The following ZC4H2 variants were observed in gnomAD, a reference collection of about 807,000 sequenced individuals.
The protein encoded by ZC4H2 is zinc finger C4H2-type containing, also known as zinc finger C4H2 domain-containing protein.
For synonymous variants in ZC4H2, 84 were observed against 66.3 expected (o/e 1.27, Z -1.30); for missense variants, 137 against 173.9 (o/e 0.79, Z 1.19).
At chrX:64,922,069 C>A (rs1929221882) in intron 1 of ZC4H2, 81 bp from the exon 2 acceptor site, 2 of 1,147,242 alleles carry the variant, frequency 1.7e-6, no homozygotes, top group Non-Finnish European at 2.3e-6. Flanking sequence ...TTTTCTAAGC[C>A]ATCTTTACAA....
chrX:64,921,852 C>G lies in ZC4H2; in HGVS notation c.190G>C (p.Glu64Gln). 1 of 1,210,629 alleles carries G rather than the reference C, an allele frequency of 8.3e-7. No individual in the cohort carries two copies. The highest frequency in any genetic ancestry group is 3.0e-5 in the East Asian group (1 of 33,749). The change falls in exon 2 of 5, where the codon GAG becomes CAG. Residue 64 changes from glutamate to glutamine, a missense_variant. Physicochemically the swap from Glu to Gln is conservative, Grantham distance 29. Coordinates refer to ENST00000374839, the MANE Select transcript of ZC4H2 (RefSeq NM_018684.4). ...TCAGCGTGGATCAGTCGGAGTTCCT[C>G]CACATGGGCCATCTTCTCCTGTAGC... ...LLLQEKMAHV[E>Q]ELRLIHADIN...
chrX:64,967,686 C>CT (rs1931637951), intron 1 of ZC4H2, among the ~76,000 whole-genome samples: 1 of 111,849 alleles, frequency 8.9e-6, no homozygotes, highest in East Asian at 2.8e-4. Flanking sequence ...CCCATGAAAT[C>CT]TATCCTCTTT....
intron 1 of ZC4H2, among the ~76,000 whole-genome samples, chrX:64,927,558 T>A (rs1929484980): frequency 8.9e-6 from 1 of 112,127 alleles, no homozygotes; most frequent in South Asian, 3.7e-4. Context: ...TGGTTCCAAG[T>A]CTTTGCTATT....
chrX:64,929,742 C>G (rs1174929269), intron 1 of ZC4H2, among the ~76,000 whole-genome samples: 2 of 111,646 alleles, frequency 1.8e-5, no homozygotes, highest in Non-Finnish European at 3.8e-5. Context: ...TATTTTTATA[C>G]CATTACCATG....
In ZC4H2 at chrX:64,947,486, T is replaced by C. The variant is rs762802146; in HGVS notation, c.54-25498A>G. ...TAAACTAAATTTATCTTTAAAAATG[T>C]CTTTCTTCCATAATAAATTAAAATT... On this transcript the variant is annotated intron_variant, in intron 1 of 4. Coordinates refer to ENST00000374839, the MANE Select transcript of ZC4H2 (RefSeq NM_018684.4). Among the ~76,000 whole-genome samples, 101 of 112,761 alleles carry C rather than the reference T, an allele frequency of 9.0e-4. No homozygotes were observed. The South Asian group carries it at 0.012, about 13-fold the overall frequency.
At chrX:64,929,822 CT>C (rs1266332937) in intron 1 of ZC4H2, among the ~76,000 whole-genome samples, 1 of 111,357 alleles carries the variant, frequency 9.0e-6, no homozygotes, top group Non-Finnish European at 1.9e-5. Context: ...AGATTTGTTC[CT>C]TTTTCTTAGT....
At chrX:64,958,377 G>A (rs753349723) in intron 1 of ZC4H2, among the ~76,000 whole-genome samples, 1 of 108,877 alleles carries the variant, frequency 9.2e-6, no homozygotes, top group South Asian at 3.7e-4. Context: ...GCACATGCCT[G>A]TATATGTGTG....
At chrX:65,030,660 ACT>A (rs1206620856) in intron 1 of ZC4H2, among the ~76,000 whole-genome samples, 1 of 110,973 alleles carries the variant, frequency 9.0e-6, no homozygotes, top group African/African-American at 3.3e-5. Flanking sequence ...TTTGACAAAG[ACT>A]CTCTGCTTGA....
chrX:65,022,952 A>C (rs1292834388), intron 1 of ZC4H2, among the ~76,000 whole-genome samples: 1 of 111,844 alleles, frequency 8.9e-6, no homozygotes, highest in Non-Finnish European at 1.9e-5. Context: ...CAGGTTTGTC[A>C]AAGATCAGAT....
At chrX:64,994,733 T>G (rs951374879) in intron 1 of ZC4H2, among the ~76,000 whole-genome samples, 16 of 111,636 alleles carry the variant, frequency 1.4e-4, no homozygotes, top group African/African-American at 5.2e-4. Flanking sequence ...TATGGTAGAT[T>G]CTTTAACAGT....
At chrX:64,959,289 T>C (rs1007571553) in intron 1 of ZC4H2, among the ~76,000 whole-genome samples, 10 of 106,698 alleles carry the variant, frequency 9.4e-5, no homozygotes, top group African/African-American at 3.4e-4. Context: ...CCCAGATCAA[T>C]AATGTGAGGG....
At chrX:64,978,501 G>T (rs781519742), upstream of ZC4H2, among the ~76,000 whole-genome samples, 77 of 111,776 alleles carry the variant, frequency 6.9e-4, no homozygotes, top group African/African-American at 2.4e-3. Flanking sequence ...CAACAAGCCT[G>T]CGTTAAGTGC....
At chrX:65,013,382 G>A (rs1436136424) in intron 1 of ZC4H2, among the ~76,000 whole-genome samples, 1 of 111,866 alleles carries the variant, frequency 8.9e-6, no homozygotes, top group Non-Finnish European at 1.9e-5. Flanking sequence ...ATTAGGGGCA[G>A]GCTAGACTTA....
chrX:64,994,031 T>A (rs1322913405), intron 1 of ZC4H2, among the ~76,000 whole-genome samples: 1 of 112,105 alleles, frequency 8.9e-6, no homozygotes, highest in Non-Finnish European at 1.9e-5. Flanking sequence ...AAGGTCTATA[T>A]CAGAATTTTA....
intron 1 of ZC4H2, among the ~76,000 whole-genome samples, chrX:65,024,485 G>C (rs5964897): frequency 0.24 from 26,492 of 111,083 alleles, 7,613 homozygotes; most frequent in African/African-American, 0.82. Context: ...TCTCAAAGAA[G>C]TTAAGGCAGA....
At chrX:65,018,652 T>A (rs4446867) in intron 1 of ZC4H2, among the ~76,000 whole-genome samples, 2 of 107,555 alleles carry the variant, frequency 1.9e-5, no homozygotes, top group East Asian at 5.9e-4. Flanking sequence ...TTTTTTCATA[T>A]CCCAGTGGCA....
chrX:64,994,155 T>A (rs1473409076), intron 1 of ZC4H2, among the ~76,000 whole-genome samples: 1 of 112,569 alleles, frequency 8.9e-6, no homozygotes, highest in East Asian at 2.8e-4. Context: ...TAACTTTCAT[T>A]GAGTGATTAG....
upstream of ZC4H2, among the ~76,000 whole-genome samples, chrX:64,976,700 G>A (rs1931961056): frequency 8.9e-6 from 1 of 112,008 alleles, no homozygotes. Flanking sequence ...TGGCCCGTGT[G>A]TGGGAAAATG....
At chrX:64,922,322 T>G in intron 1 of ZC4H2, 60 of 163,631 alleles carry the variant, frequency 3.7e-4, no homozygotes, top group Non-Finnish European at 5.4e-4. Flanking sequence ...AAGAAAGAAT[T>G]AGCCACACAT....
Sources: allele counts gnomAD v4.1 joint callset (sites outside exome capture counted in the v4.1 genomes callset), GRCh38; gene constraint gnomAD v4.1.1; transcripts MANE v1.5; gene names NCBI Gene and HGNC (gene_info 2026-07-23, HGNC 2026-07-21).